The following COL26A1 variants were observed in gnomAD, a reference collection of about 807,000 sequenced individuals.
COL26A1 encodes the protein collagen alpha-1(XXVI) chain.
A neutral mutation model predicts 59.3 loss-of-function variants in COL26A1; 41 were observed. The observed-to-expected ratio is 0.69, with a 90% confidence interval of 0.54 to 0.90. The LOEUF (loss-of-function observed/expected upper bound fraction) is 0.90, where lower values mean the gene tolerates loss of function less well. COL26A1 is among the 40% of genes least tolerant of loss of function. The probability of loss-of-function intolerance (pLI) is 0.00; values close to 1 mark genes in which losing one functional copy is unlikely to be tolerated. For synonymous variants in COL26A1, 266 were observed against 256.0 expected (o/e 1.04, Z -0.37); for missense variants, 612 against 602.3 (o/e 1.02, Z -0.17).
chr7:101,379,811 A>T (rs1791403817), intron 1 of COL26A1, among the ~76,000 whole-genome samples: 1 of 152,194 alleles, frequency 6.6e-6, no homozygotes, highest in African/African-American at 2.4e-5. Flanking sequence ...GCGCCATAAC[A>T]GTTTGCAAAT....
chr7:101,503,768 C>G (rs1407632719), intron 3 of COL26A1, among the ~76,000 whole-genome samples: 2 of 152,240 alleles, frequency 1.3e-5, no homozygotes, highest in African/African-American at 4.8e-5. Flanking sequence ...GGTGCTGGAA[C>G]TTTTGTTTCA....
chr7:101,504,694 T>G (rs538057433), intron 3 of COL26A1, among the ~76,000 whole-genome samples: 5 of 152,328 alleles, frequency 3.3e-5, no homozygotes, highest in Non-Finnish European at 5.9e-5. Context: ...TTATGTGAAT[T>G]TTTTACTTCC....
chr7:101,447,612 A>T (rs1267680766), intron 2 of COL26A1, 72 bp from the exon 3 acceptor site: 1 of 1,070,802 alleles, frequency 9.3e-7, no homozygotes, highest in Non-Finnish European at 1.4e-6. Flanking sequence ...AGCCTGGCCC[A>T]TCTTTGCAGC....
chr7:101,457,912 TTTG>T (rs71517175), intron 3 of COL26A1, among the ~76,000 whole-genome samples: 39,700 of 117,378 alleles, frequency 0.34, 5,816 homozygotes, highest in Middle Eastern at 0.42. Flanking sequence ...TTTTTTTTTT[TTTG>T]AAATGGAGTC....
upstream of COL26A1, among the ~76,000 whole-genome samples, chr7:101,362,496 C>T (rs1383504544): frequency 6.6e-6 from 1 of 151,140 alleles, no homozygotes; most frequent in Non-Finnish European, 1.5e-5. Flanking sequence ...GGAAGACTCG[C>T]ATTTGTCTGG....
intron 1 of COL26A1, among the ~76,000 whole-genome samples, chr7:101,386,272 T>TG (rs1791574334): frequency 1.4e-5 from 2 of 141,196 alleles, no homozygotes; most frequent in African/African-American, 5.9e-5. Flanking sequence ...TTTTTTTTTT[T>TG]TTTTTTTTAA....
chr7:101,373,847 T>G (rs1278614586), intron 1 of COL26A1, among the ~76,000 whole-genome samples: 1 of 152,160 alleles, frequency 6.6e-6, no homozygotes, highest in Non-Finnish European at 1.5e-5. Flanking sequence ...CTCACTCCCC[T>G]CTTCCCCCAG....
At chr7:101,465,992 A>C (rs1392030325) in intron 3 of COL26A1, among the ~76,000 whole-genome samples, 1 of 152,152 alleles carries the variant, frequency 6.6e-6, no homozygotes. Context: ...CAACTTGCTA[A>C]CGGCCCTGAC....
chr7:101,514,634 C>A (rs112153319), intron 3 of COL26A1, among the ~76,000 whole-genome samples: 4 of 152,130 alleles, frequency 2.6e-5, no homozygotes, highest in African/African-American at 7.2e-5. Context: ...GTGGGTGGGG[C>A]TGATCCACTG....
chr7:101,446,043 T>C (rs1272657204), intron 2 of COL26A1, among the ~76,000 whole-genome samples: 15 of 43,794 alleles, frequency 3.4e-4, no homozygotes, highest in South Asian at 8.3e-4. Context: ...CAAGACTCCG[T>C]CTCAAAAAAA....
At chr7:101,524,766 T>C (rs1333465170) in intron 3 of COL26A1, among the ~76,000 whole-genome samples, 1 of 152,234 alleles carries the variant, frequency 6.6e-6, no homozygotes, top group Non-Finnish European at 1.5e-5. Context: ...TTTTGTAAAC[T>C]GTCTTTATAT....
At chr7:101,490,372 G>C (rs942113560) in intron 3 of COL26A1, among the ~76,000 whole-genome samples, 1 of 151,150 alleles carries the variant, frequency 6.6e-6, no homozygotes, top group South Asian at 2.2e-4. Context: ...CATTGTGCCC[G>C]GCCAACAGTC....
chr7:101,387,399 C>T (rs960422965), intron 1 of COL26A1, among the ~76,000 whole-genome samples: 24 of 151,250 alleles, frequency 1.6e-4, no homozygotes, highest in African/African-American at 5.3e-4. Flanking sequence ...TTATTTTTTC[C>T]CCCTTGATTA....
intron 3 of COL26A1, among the ~76,000 whole-genome samples, chr7:101,478,325 G>A (rs1037190884): frequency 6.6e-6 from 1 of 152,188 alleles, no homozygotes; most frequent in Non-Finnish European, 1.5e-5. Flanking sequence ...GTGACTTGAG[G>A]TGCGGTTTCG....
At chr7:101,421,528 A>G (rs1584393299) in intron 2 of COL26A1, among the ~76,000 whole-genome samples, 1 of 152,164 alleles carries the variant, frequency 6.6e-6, no homozygotes, top group East Asian at 1.9e-4. Context: ...TACAAAAATT[A>G]GCCAGGCGTG....
Position 101,557,697 on chromosome 7 carries a change from TG to T in COL26A1, c.*169del, listed in dbSNP as rs1796014557. 3 of 684,486 alleles carry T rather than the reference TG, an allele frequency of 4.4e-6. No individual in the cohort carries two copies. The highest frequency in any genetic ancestry group is 7.0e-6 in the Non-Finnish European group (3 of 425,680). The allele number at this position is 684,486 out of a possible 1,614,324, so 42.4% of individuals were successfully genotyped here. ...AGATAATGTCTCCAGGGGCAGGGTC[TG>T]GAGGGGCCAACACCCTCATCAGAGC... is the stretch of plus-strand genomic sequence containing the variant. On this transcript the variant is annotated 3_prime_UTR_variant, in exon 13 of 13. Transcript: ENST00000313669.
intron 2 of COL26A1, 130 bp downstream of exon 2, chr7:101,420,229 C>T (rs925125496): frequency 9.4e-7 from 1 of 1,068,698 alleles, no homozygotes; most frequent in Non-Finnish European, 1.4e-6. Flanking sequence ...TTATGGAGCA[C>T]CTTCTGTATA....
At chr7:101,546,016 C>G (rs1427391334) in intron 7 of COL26A1, among the ~76,000 whole-genome samples, 2 of 152,274 alleles carry the variant, frequency 1.3e-5, no homozygotes, top group African/African-American at 4.8e-5. Flanking sequence ...ATGTGCAAAA[C>G]AAACTCCGGC....
intron 2 of COL26A1, among the ~76,000 whole-genome samples, chr7:101,427,832 C>A (rs1231680622): frequency 6.6e-6 from 1 of 151,944 alleles, no homozygotes; most frequent in Admixed American, 6.6e-5. Context: ...CTGTAGGGGA[C>A]CCAATTCTGG....
Sources: gnomAD v4.1 joint callset for allele counts (sites outside exome capture counted in the v4.1 genomes callset) on GRCh38, gnomAD v4.1.1 for gene constraint, MANE v1.5 for transcripts, NCBI Gene and HGNC (gene_info 2026-07-23, HGNC 2026-07-21) for gene names.